SPOCK3: variants seen among roughly 807,000 people sequenced by gnomAD.
SPOCK3 encodes SPARC (osteonectin), cwcv and kazal like domains proteoglycan 3.
A neutral mutation model predicts 56.6 loss-of-function variants in SPOCK3; 30 were observed. The ratio of observed to expected loss-of-function variants is 0.53; its 90% CI spans 0.40 to 0.72. The LOEUF (loss-of-function observed/expected upper bound fraction) is 0.72, where lower values mean the gene tolerates loss of function less well. SPOCK3 is among the 30% of genes least tolerant of loss of function. SPOCK3 has a pLI of 0.00. For missense variants in SPOCK3, 527 were observed against 530.0 expected (o/e 0.99, Z 0.06); for synonymous variants, 196 against 183.3 (o/e 1.07, Z -0.56).
rs397880869 is a variant in SPOCK3, at chr4:167,079,074, G to GA, written c.190-16538dup. On this transcript the variant is annotated intron_variant, in intron 2 of 10. Transcript: ENST00000357545. ...ATCTCCAAATGGCATTTGGGCAAATGAAAAAAAAAAAGTCTCTAGCATTTA... is the reference window on the plus strand; with the variant it reads ...ATCTCCAAATGGCATTTGGGCAAATGAAAAAAAAAAAAGTCTCTAGCATTTA... 6.6e-4 allele frequency among the ~76,000 whole-genome samples: 92 copies of GA among 139,448 alleles called. 1 individual carries two copies. In the East Asian group the frequency reaches 6.7e-3, roughly 10 times the overall value. The allele number at this position is 139,448 out of a possible 152,430, so 91.5% of individuals were successfully genotyped here.
intron 6 of SPOCK3, among the ~76,000 whole-genome samples, chr4:166,881,157 G>C (rs1733645044): frequency 6.6e-6 from 1 of 151,768 alleles, no homozygotes. Flanking sequence ...TAATGTTTTT[G>C]AAATTAAAAA....
chr4:167,101,338 C>T (rs186714170), intron 2 of SPOCK3, among the ~76,000 whole-genome samples: 2 of 152,128 alleles, frequency 1.3e-5, no homozygotes, highest in Admixed American at 6.6e-5. Flanking sequence ...TTTTTAGACT[C>T]GTTAGTCTCC....
At chr4:166,800,187 A>AAAAAAAAAAAAAAAAAAAAAG (rs1742421315) in intron 6 of SPOCK3, among the ~76,000 whole-genome samples, 1 of 117,894 alleles carries the variant, frequency 8.5e-6, no homozygotes, top group Non-Finnish European at 1.8e-5. Flanking sequence ...ATCTCAGAAA[A>AAAAAAAAAAAAAAAAAAAAAG]AAAAAAAAAA....
At chr4:166,862,388 CAA>C (rs1731326629) in intron 6 of SPOCK3, among the ~76,000 whole-genome samples, 1 of 151,808 alleles carries the variant, frequency 6.6e-6, no homozygotes, top group South Asian at 2.1e-4. Flanking sequence ...TAAAAAGTAA[CAA>C]AGAGGGAATG....
chr4:166,844,943 G>A (rs147228024), intron 6 of SPOCK3, among the ~76,000 whole-genome samples: 14 of 152,284 alleles, frequency 9.2e-5, no homozygotes, highest in East Asian at 1.9e-4. Flanking sequence ...TTACCTGTCC[G>A]TGGTTTTTTC....
At chr4:167,064,945 T>A (rs1025786003) in intron 2 of SPOCK3, among the ~76,000 whole-genome samples, 1 of 147,676 alleles carries the variant, frequency 6.8e-6, no homozygotes, top group Admixed American at 7.0e-5. Context: ...GGACAAGCTG[T>A]CATTACTGCT....
chr4:167,021,552 G>A (rs1029387673), intron 3 of SPOCK3, among the ~76,000 whole-genome samples: 1 of 151,900 alleles, frequency 6.6e-6, no homozygotes, highest in Non-Finnish European at 1.5e-5. Flanking sequence ...GCTAAACAGG[G>A]GAATGACAGG....
At chr4:167,010,241 C>A (rs1356211306) in intron 3 of SPOCK3, among the ~76,000 whole-genome samples, 1 of 152,054 alleles carries the variant, frequency 6.6e-6, no homozygotes, top group Admixed American at 6.6e-5. Context: ...GAATTCCAGG[C>A]CAGACGTGGT....
chr4:167,183,104 C>T (rs529581017), intron 2 of SPOCK3, among the ~76,000 whole-genome samples: 1 of 152,142 alleles, frequency 6.6e-6, no homozygotes, highest in South Asian at 2.1e-4. Flanking sequence ...GGTCCTAAGA[C>T]AGTTAGAGAA....
chr4:167,227,148 G>T (rs1736675791), intron 2 of SPOCK3, among the ~76,000 whole-genome samples: 1 of 152,068 alleles, frequency 6.6e-6, no homozygotes, highest in Non-Finnish European at 1.5e-5. Flanking sequence ...GTGGAAAAAA[G>T]AATTGAACTA....
intron 2 of SPOCK3, among the ~76,000 whole-genome samples, chr4:167,183,257 T>C (rs1036295868): frequency 2.0e-5 from 3 of 152,300 alleles, no homozygotes; most frequent in Admixed American, 2.0e-4. Context: ...GGATAATAAA[T>C]GATCATTGTT....
chr4:166,861,446 T>C (rs1288994720), intron 6 of SPOCK3, among the ~76,000 whole-genome samples: 1 of 152,122 alleles, frequency 6.6e-6, no homozygotes, highest in East Asian at 1.9e-4. Context: ...ATTTATTGAA[T>C]TCCACTTCAA....
At chr4:166,949,656 T>A (rs1742268470) in intron 4 of SPOCK3, among the ~76,000 whole-genome samples, 1 of 151,726 alleles carries the variant, frequency 6.6e-6, no homozygotes, top group South Asian at 2.1e-4. Flanking sequence ...AGAACAGCGG[T>A]TTTTCATGAA....
chr4:166,855,717 C>A (rs1050409855), intron 6 of SPOCK3, among the ~76,000 whole-genome samples: 1 of 152,164 alleles, frequency 6.6e-6, no homozygotes, highest in African/African-American at 2.4e-5. Flanking sequence ...ACATCAGAAT[C>A]ACTCAGAGGG....
At chr4:167,136,519 C>A (rs1347635239) in intron 2 of SPOCK3, among the ~76,000 whole-genome samples, 1 of 152,012 alleles carries the variant, frequency 6.6e-6, no homozygotes, top group Non-Finnish European at 1.5e-5. Flanking sequence ...AGTTTTGAAA[C>A]ACTTATTTTA....
intron 3 of SPOCK3, among the ~76,000 whole-genome samples, chr4:167,001,129 T>C (rs1748913304): frequency 6.6e-6 from 1 of 152,244 alleles, no homozygotes; most frequent in Non-Finnish European, 1.5e-5. Flanking sequence ...TATTTATATG[T>C]AATTCACATA....
At chr4:166,936,330 G>T (rs1740399803) in intron 4 of SPOCK3, among the ~76,000 whole-genome samples, 1 of 151,976 alleles carries the variant, frequency 6.6e-6, no homozygotes, top group East Asian at 1.9e-4. Flanking sequence ...ATTTTTAAAA[G>T]TTAAAATCCT....
chr4:167,132,560 G>C lies in SPOCK3; in HGVS notation c.190-70023C>G, dbSNP rs1320263358. Among the ~76,000 whole-genome samples the C allele has an allele frequency of 2.6e-5, 4 of 152,288 alleles. No individual in the cohort carries two copies. The South Asian group carries it at 8.3e-4, about 32-fold the overall frequency. ...GGATATTTCTGAACTTTGAAATTTA[G>C]AGACTATATTGCTTTCATTTGGCTA... On this transcript the variant is annotated intron_variant, in intron 2 of 10. Transcript: ENST00000357545.
intron 3 of SPOCK3, among the ~76,000 whole-genome samples, chr4:167,036,216 G>A (rs1752738216): frequency 6.6e-6 from 1 of 152,172 alleles, no homozygotes; most frequent in South Asian, 2.1e-4. Flanking sequence ...GTATGCTTTT[G>A]CGACGTGCCA....
Sources: gnomAD v4.1 joint callset for allele counts (sites outside exome capture counted in the v4.1 genomes callset) on GRCh38, gnomAD v4.1.1 for gene constraint, MANE v1.5 for transcripts, NCBI Gene and HGNC (gene_info 2026-07-23, HGNC 2026-07-21) for gene names.